Variants in DNAH14 observed in about 807,000 individuals in gnomAD.
The protein encoded by DNAH14 is axonemal beta dynein heavy chain 14.
In DNAH14, 478 loss-of-function variants were observed where a neutral mutation model predicts 520.9. That is an observed-to-expected ratio of 0.92 (90% CI 0.85 to 0.99). The LOEUF (loss-of-function observed/expected upper bound fraction) is 0.99. DNAH14 is among the 50% of genes least tolerant of loss of function. DNAH14 has a pLI of 0.00. For synonymous variants in DNAH14, 1,581 were observed against 1,757.2 expected, an observed-to-expected ratio of 0.90 and a Z score of 2.51; for missense variants, 4,831 against 5,234.5, an observed-to-expected ratio of 0.92 and a Z score of 2.38.
chr1:225,353,776 C>G (rs1317433298), intron 72 of DNAH14, 27 bp from the exon 73 acceptor site: 2 of 1,154,034 alleles, frequency 1.7e-6, no homozygotes, highest in South Asian at 2.8e-5. Context: ...CTGTTAATGC[C>G]AGTTTCTTTC....
chr1:224,978,748 C>T lies in DNAH14; in HGVS notation c.830+4595C>T, dbSNP rs1251936160. Among the ~76,000 whole-genome samples, 5 of 152,158 alleles carry T rather than the reference C, an allele frequency of 3.3e-5. No individual in the cohort carries two copies. The East Asian group carries it at 7.7e-4, about 23-fold the overall frequency. On this transcript the variant is annotated intron_variant, in intron 8 of 85. Transcript: ENST00000682510. ...CAAACTCCTGGGCTGAAGCAGTTCT[C>T]CCACCTCAGCCTCCTGAATACCTGG...
rs2078481799 is a variant in DNAH14, at chr1:225,132,124, T to G, written c.4254+8510T>G. Among the ~76,000 whole-genome samples the G allele has an allele frequency of 3.3e-5, 5 of 152,084 alleles. No homozygotes were observed. In the South Asian group the frequency reaches 1.0e-3, roughly 32 times the overall value. ...AGATCGGTAAACTATATTATATCTG[T>G]CAACAGTGGTTTTCTGGAGTGATGA... is the stretch of plus-strand genomic sequence containing the variant. On this transcript the variant is annotated intron_variant, in intron 27 of 85. Coordinates refer to ENST00000682510, the MANE Select transcript of DNAH14 (RefSeq NM_001367479.1).
At chr1:224,971,083 T>G (rs1442473085) in intron 7 of DNAH14, among the ~76,000 whole-genome samples, 1 of 152,172 alleles carries the variant, frequency 6.6e-6, no homozygotes, top group Non-Finnish European at 1.5e-5. Context: ...TTGATTCAAG[T>G]TCATGATTAA....
Position 225,050,273 on chromosome 1 carries a change from T to C in DNAH14, c.1976T>C (p.Met659Thr). 6.5e-7 allele frequency: 1 copy of C among 1,550,322 alleles called. No homozygotes were observed. Among genetic ancestry groups the C allele is most frequent in the Non-Finnish European group, 8.7e-7 (1 of 1,146,566 alleles). ...LSIFIDLVSI[M>T]DLPNKTGSII... ...ATCTTCATTGATTTGGTTTCAATAATGGATTTACCTAATAAGACAGGAAGC... is the reference window on the plus strand; with the variant it reads ...ATCTTCATTGATTTGGTTTCAATAACGGATTTACCTAATAAGACAGGAAGC... Residue 659 changes from methionine (M) to threonine (T), a missense_variant, in exon 16 of 86, where the codon ATG becomes ACG. Coordinates refer to ENST00000682510, the MANE Select transcript of DNAH14 (RefSeq NM_001367479.1).
chr1:225,091,487 T>C (rs1002775209), intron 21 of DNAH14, among the ~76,000 whole-genome samples: 11 of 152,144 alleles, frequency 7.2e-5, no homozygotes, highest in African/African-American at 2.7e-4. Flanking sequence ...AAATTAGATT[T>C]CATAAGCAAA....
chr1:225,141,915 T>C (rs1377969584), intron 28 of DNAH14, among the ~76,000 whole-genome samples: 1 of 152,164 alleles, frequency 6.6e-6, no homozygotes, highest in African/African-American at 2.4e-5. Flanking sequence ...ACGGTTAGCA[T>C]AAATTCTGCA....
chr1:225,250,702 C>A, intron 43 of DNAH14: 1 of 548,542 alleles, frequency 1.8e-6, no homozygotes, highest in Non-Finnish European at 3.4e-6. Context: ...GAAAGGGGAA[C>A]TGTGGGCAAG....
At chr1:225,307,329 G>A (rs2094266836) in intron 58 of DNAH14, 132 bp from the exon 59 acceptor site, 1 of 642,008 alleles carries the variant, frequency 1.6e-6, no homozygotes, top group Non-Finnish European at 2.6e-6. Context: ...TTCAAATAGT[G>A]AGCCAGTCTT....
intron 41 of DNAH14, among the ~76,000 whole-genome samples, chr1:225,227,286 TGTG>T (rs1426578549): frequency 6.7e-6 from 1 of 150,242 alleles, no homozygotes; most frequent in Admixed American, 6.6e-5. Context: ...CAGAGGTCCC[TGTG>T]GCCTTCCGCA....
At chr1:225,099,721 A>G (rs144960187) in intron 22 of DNAH14, among the ~76,000 whole-genome samples, 1 of 152,272 alleles carries the variant, frequency 6.6e-6, no homozygotes, top group East Asian at 1.9e-4. Flanking sequence ...GAGCTTAAGG[A>G]ATGGTTGTAA....
chr1:225,123,069 GTT>G (rs2077423278), intron 26 of DNAH14, among the ~76,000 whole-genome samples: 1 of 152,072 alleles, frequency 6.6e-6, no homozygotes, highest in Non-Finnish European at 1.5e-5. Context: ...CACATTAACT[GTT>G]GTCTTAAATA....
At chr1:225,187,124 G>A (rs564234613) in intron 37 of DNAH14, among the ~76,000 whole-genome samples, 1 of 151,670 alleles carries the variant, frequency 6.6e-6, no homozygotes, top group East Asian at 1.9e-4. Flanking sequence ...GTAATTGCTG[G>A]TTGGCATGGT....
At chr1:224,945,629 C>CT (rs1301887336) in intron 1 of DNAH14, among the ~76,000 whole-genome samples, 19 of 152,352 alleles carry the variant, frequency 1.2e-4, no homozygotes, top group African/African-American at 4.1e-4. Flanking sequence ...TTTTATCTAC[C>CT]TTTGGTCTTT....
chr1:224,948,873 A>C (rs942540257), intron 1 of DNAH14, among the ~76,000 whole-genome samples: 1 of 152,108 alleles, frequency 6.6e-6, no homozygotes, highest in Non-Finnish European at 1.5e-5. Context: ...CTATGCTGTT[A>C]TTGTTGGGTA....
intron 43 of DNAH14, among the ~76,000 whole-genome samples, chr1:225,250,899 A>G (rs2092519289): frequency 6.6e-6 from 1 of 152,152 alleles, no homozygotes; most frequent in African/African-American, 2.4e-5. Context: ...CATAAGGGAG[A>G]TGCTTGGAAG....
chr1:224,935,607 C>T (rs1233901422), intron 1 of DNAH14, among the ~76,000 whole-genome samples: 1 of 151,764 alleles, frequency 6.6e-6, no homozygotes, highest in Admixed American at 6.6e-5. Flanking sequence ...GACTGCCATA[C>T]AATAATAGTA....
At chr1:225,170,808 G>A (rs1213695604) in intron 36 of DNAH14, among the ~76,000 whole-genome samples, 1 of 152,174 alleles carries the variant, frequency 6.6e-6, no homozygotes, top group African/African-American at 2.4e-5. Context: ...CAAATCAACA[G>A]AATATACATT....
intron 5 of DNAH14, among the ~76,000 whole-genome samples, chr1:224,966,856 A>C (rs185736831): frequency 6.0e-4 from 92 of 152,252 alleles, no homozygotes; most frequent in African/African-American, 2.2e-3. Context: ...GCTCCATCAG[A>C]GTATTAATTT....
chr1:224,960,402 C>T (rs549543058), intron 4 of DNAH14, 100 bp downstream of exon 4: 5 of 1,264,402 alleles, frequency 4.0e-6, no homozygotes, highest in East Asian at 5.4e-5. Context: ...TTAGAAAAAA[C>T]AGTCTTACTG....
Sources: gnomAD v4.1 joint callset for allele counts (sites outside exome capture counted in the v4.1 genomes callset) on GRCh38, gnomAD v4.1.1 for gene constraint, MANE v1.5 for transcripts, NCBI Gene and HGNC (gene_info 2026-07-23, HGNC 2026-07-21) for gene names.